ARHGEF7: variants seen among roughly 807,000 people sequenced by gnomAD.
The protein encoded by ARHGEF7 is Rho guanine nucleotide exchange factor 7.
A neutral mutation model predicts 109.8 loss-of-function variants in ARHGEF7; 33 were observed. The ratio of observed to expected loss-of-function variants is 0.30; its 90% CI spans 0.23 to 0.40. ARHGEF7 has a LOEUF of 0.40. Ranked by LOEUF, ARHGEF7 falls within the 10% of genes least tolerant of loss-of-function variation. The pLI, the probability that ARHGEF7 is intolerant of heterozygous loss-of-function variation, is 1.00. For synonymous variants in ARHGEF7, 458 were observed against 424.6 expected, an observed-to-expected ratio of 1.08 and a Z score of -0.97; for missense variants, 938 against 1,098.5, an observed-to-expected ratio of 0.85 and a Z score of 2.07.
At chr13:111,153,340 G>A (rs980307559) in intron 1 of ARHGEF7, among the ~76,000 whole-genome samples, 1 of 152,210 alleles carries the variant, frequency 6.6e-6, no homozygotes, top group African/African-American at 2.4e-5. Flanking sequence ...GGGGCCGAGC[G>A]GGTGCGCTGT....
chr13:111,259,925 A>G lies in ARHGEF7; in HGVS notation c.951-7623A>G, dbSNP rs4489858. On this transcript the variant is annotated intron_variant, in intron 8 of 21. Coordinates refer to ENST00000646102, the MANE Select transcript of ARHGEF7 (RefSeq NM_001354046.2). Reference sequence around the variant, plus strand: ...CAGATAAATTTAAAGAGATTGAAATATGAAAGAATCAAGCAGAAATTCTGG... The same window carrying G: ...CAGATAAATTTAAAGAGATTGAAATGTGAAAGAATCAAGCAGAAATTCTGG... 0.059 allele frequency among the ~76,000 whole-genome samples: 8,998 copies of G among 152,270 alleles called. 1,158 individuals are homozygous for G. In the East Asian group the frequency reaches 0.59, roughly 10 times the overall value.
chr13:111,250,020 C>T (rs1357601720), intron 8 of ARHGEF7, among the ~76,000 whole-genome samples: 1 of 152,228 alleles, frequency 6.6e-6, no homozygotes, highest in East Asian at 1.9e-4. Context: ...TTTAAAGTTT[C>T]GATGTTATTT....
At position 111,213,618 on chromosome 13, in the gene ARHGEF7, G is replaced by A. The variant is rs531024430; in HGVS notation, c.468+3616G>A. Among the ~76,000 whole-genome samples the A allele has an allele frequency of 7.9e-5, 12 of 152,178 alleles. No individual in the cohort carries two copies. The South Asian group carries it at 2.5e-3, about 32-fold the overall frequency. ...TGTGGCATATCCTTTTGTTGTTGTTGTTGTAACGACTGGCTTGTTTTTCTC... is the reference window on the plus strand; with the variant it reads ...TGTGGCATATCCTTTTGTTGTTGTTATTGTAACGACTGGCTTGTTTTTCTC... On this transcript the variant is annotated intron_variant, in intron 4 of 21. Coordinates refer to ENST00000646102, the MANE Select transcript of ARHGEF7 (RefSeq NM_001354046.2).
At chr13:111,147,835 C>T (rs942870487) in intron 1 of ARHGEF7, among the ~76,000 whole-genome samples, 1 of 150,524 alleles carries the variant, frequency 6.6e-6, no homozygotes, top group Non-Finnish European at 1.5e-5. Context: ...GTAGCTGGGA[C>T]TACAGGCGCC....
intron 8 of ARHGEF7, among the ~76,000 whole-genome samples, chr13:111,261,752 A>T (rs965732133): frequency 7.2e-5 from 11 of 152,362 alleles, no homozygotes; most frequent in Admixed American, 6.5e-4. Flanking sequence ...CTCTTAAAAA[A>T]ATATAATTTT....
At chr13:111,175,966 C>T (rs533689075) in intron 2 of ARHGEF7, among the ~76,000 whole-genome samples, 1 of 152,278 alleles carries the variant, frequency 6.6e-6, no homozygotes, top group South Asian at 2.1e-4. Flanking sequence ...CCTTATTAAA[C>T]CATCAGATCT....
At chr13:111,215,438 G>T (rs1386360906) in intron 4 of ARHGEF7, among the ~76,000 whole-genome samples, 1 of 151,766 alleles carries the variant, frequency 6.6e-6, no homozygotes, top group Admixed American at 6.6e-5. Flanking sequence ...AGAGGGGCTG[G>T]TGCTGTTTTC....
intron 2 of ARHGEF7, among the ~76,000 whole-genome samples, chr13:111,178,637 G>C (rs944018559): frequency 6.6e-6 from 1 of 152,210 alleles, no homozygotes; most frequent in Non-Finnish European, 1.5e-5. Flanking sequence ...GCGCTGTCCA[G>C]CTGGGCATGG....
intron 2 of ARHGEF7, among the ~76,000 whole-genome samples, chr13:111,186,165 G>A (rs956981306): frequency 6.6e-6 from 1 of 152,052 alleles, no homozygotes; most frequent in African/African-American, 2.4e-5. Flanking sequence ...GGTTGCGCCC[G>A]GTCTGCAGAA....
chr13:111,247,033 T>C (rs2088971795), intron 8 of ARHGEF7, among the ~76,000 whole-genome samples: 1 of 152,216 alleles, frequency 6.6e-6, no homozygotes, highest in Admixed American at 6.5e-5. Context: ...ATTATTTTGA[T>C]CAAGTTTCTC....
intron 1 of ARHGEF7, among the ~76,000 whole-genome samples, chr13:111,146,467 A>G (rs1478349193): frequency 1.3e-5 from 2 of 152,216 alleles, no homozygotes; most frequent in East Asian, 1.9e-4. Flanking sequence ...TTAAACATAC[A>G]CACACATGTG....
intron 1 of ARHGEF7, among the ~76,000 whole-genome samples, chr13:111,152,516 A>G (rs2075944570): frequency 6.6e-6 from 1 of 152,258 alleles, no homozygotes; most frequent in Non-Finnish European, 1.5e-5. Flanking sequence ...AACTATAGAA[A>G]GAAAAAAGCT....
chr13:111,269,946 G>A (rs549083374), intron 9 of ARHGEF7, among the ~76,000 whole-genome samples: 1 of 152,284 alleles, frequency 6.6e-6, no homozygotes. Flanking sequence ...CCACACCTGG[G>A]GTAGACTAAT....
At chr13:111,182,109 T>C (rs75735199) in intron 2 of ARHGEF7, 3,252 of 152,240 alleles carry the variant, frequency 0.021, 119 homozygotes, top group African/African-American at 0.075. Flanking sequence ...TTCACAAGAA[T>C]TGGAGACCAG....
At position 111,270,589 on chromosome 13, in the gene ARHGEF7, A is replaced by G. The variant is rs533283532; in HGVS notation, c.1073+2919A>G. 2.6e-5 allele frequency among the ~76,000 whole-genome samples: 4 copies of G among 151,838 alleles called. No homozygotes were observed. In the South Asian group the frequency reaches 8.3e-4, roughly 31 times the overall value. ...TTTTTTGGCTTCTGGGCTTTTTTTG[A>G]GGGAGTGGTGATGAGGGTAACTGTT... On this transcript the variant is annotated intron_variant, in intron 9 of 21. Coordinates refer to ENST00000646102, the MANE Select transcript of ARHGEF7 (RefSeq NM_001354046.2).
intron 12 of ARHGEF7, 89 bp downstream of exon 12, chr13:111,275,767 A>G (rs2092440110): frequency 4.0e-6 from 6 of 1,503,340 alleles, no homozygotes; most frequent in Non-Finnish European, 5.5e-6. Flanking sequence ...CAAGCGATGA[A>G]AAATGTCTAA....
chr13:111,199,031 G>A (rs925810734), intron 2 of ARHGEF7, among the ~76,000 whole-genome samples: 1 of 152,204 alleles, frequency 6.6e-6, no homozygotes, highest in Admixed American at 6.5e-5. Context: ...GTGCTGATGG[G>A]TGTGTTTACA....
intron 5 of ARHGEF7, among the ~76,000 whole-genome samples, chr13:111,221,682 TTAA>T (rs2084418457): frequency 1.5e-5 from 2 of 132,488 alleles, no homozygotes; most frequent in African/African-American, 5.5e-5. Flanking sequence ...TAAACTCCCC[TTAA>T]TAAACCCCTT....
At chr13:111,120,650 C>T (rs915605849) in intron 1 of ARHGEF7, among the ~76,000 whole-genome samples, 22 of 152,210 alleles carry the variant, frequency 1.4e-4, no homozygotes, top group Non-Finnish European at 2.6e-4. Context: ...ATCTCAGGAC[C>T]CGGCCCTCAT....
Sources: gnomAD v4.1 joint callset for allele counts (sites outside exome capture counted in the v4.1 genomes callset) on GRCh38, gnomAD v4.1.1 for gene constraint, MANE v1.5 for transcripts, NCBI Gene and HGNC (gene_info 2026-07-23, HGNC 2026-07-21) for gene names.